The following CEP85L variants were observed in gnomAD, a reference collection of about 807,000 sequenced individuals.
CEP85L encodes the protein centrosomal protein 85L.
In CEP85L, 60 loss-of-function variants were observed where a neutral mutation model predicts 100.3. The ratio of observed to expected loss-of-function variants is 0.60; its 90% CI spans 0.49 to 0.74. The LOEUF (loss-of-function observed/expected upper bound fraction) is 0.74. Ranked by LOEUF, CEP85L falls within the 30% of genes least tolerant of loss-of-function variation. CEP85L has a pLI of 0.00. For synonymous variants in CEP85L, 319 were observed against 322.7 expected (o/e 0.99, Z 0.12); for missense variants, 973 against 936.2 (o/e 1.04, Z -0.51).
chr6:118,525,134 T>G (rs1228224896), intron 3 of CEP85L, among the ~76,000 whole-genome samples: 1 of 152,194 alleles, frequency 6.6e-6, no homozygotes, highest in African/African-American at 2.4e-5. Context: ...ACAACAGTAG[T>G]AAGTATATCC....
chr6:118,498,340 AAAAT>A (rs1275678274), intron 5 of CEP85L, among the ~76,000 whole-genome samples: 3 of 152,092 alleles, frequency 2.0e-5, no homozygotes, highest in Non-Finnish European at 4.4e-5. Context: ...ACAAAAAATA[AAAAT>A]AAATAAATAC....
chr6:118,633,753 T>C (rs1025980749), intron 1 of CEP85L, among the ~76,000 whole-genome samples: 7 of 152,318 alleles, frequency 4.6e-5, no homozygotes, highest in African/African-American at 1.4e-4. Flanking sequence ...GTACTATAAT[T>C]AGAAAGAGAA....
chr6:118,572,000 G>A (rs1004180901), intron 2 of CEP85L, among the ~76,000 whole-genome samples: 1 of 151,898 alleles, frequency 6.6e-6, no homozygotes, highest in African/African-American at 2.4e-5. Flanking sequence ...GGGATTACAG[G>A]CAAGCACCAC....
intron 1 of CEP85L, among the ~76,000 whole-genome samples, chr6:118,633,544 AG>A (rs1340033568): frequency 6.6e-6 from 1 of 152,160 alleles, no homozygotes; most frequent in Admixed American, 6.5e-5. Context: ...AGCTAATTTA[AG>A]GTTTTTCAAT....
intron 2 of CEP85L, among the ~76,000 whole-genome samples, chr6:118,583,881 T>C (rs184363986): frequency 6.6e-6 from 1 of 152,358 alleles, no homozygotes. Flanking sequence ...CCCTAATCCC[T>C]ATACCCTGTT....
chr6:118,685,440 C>A (rs1322020969), intron 1 of CEP85L, among the ~76,000 whole-genome samples: 1 of 152,022 alleles, frequency 6.6e-6, no homozygotes. Context: ...AAAGTATTTA[C>A]GTTGATATAA....
intron 2 of CEP85L, among the ~76,000 whole-genome samples, chr6:118,600,296 T>TGGGGG (rs1554228034): frequency 0.01 from 343 of 34,112 alleles, 74 homozygotes; most frequent in Middle Eastern, 0.044. Context: ...TGAGCCTTCC[T>TGGGGG]GGGGGTGTGT....
At chr6:118,643,894 G>A (rs1583215764) in intron 1 of CEP85L, among the ~76,000 whole-genome samples, 1 of 152,178 alleles carries the variant, frequency 6.6e-6, no homozygotes, top group Non-Finnish European at 1.5e-5. Context: ...CTTGGCCACT[G>A]TTCAGTGTAA....
intron 6 of CEP85L, among the ~76,000 whole-genome samples, chr6:118,484,462 G>A (rs1774028665): frequency 6.6e-6 from 1 of 152,156 alleles, no homozygotes; most frequent in Non-Finnish European, 1.5e-5. Flanking sequence ...AGTTTTTATT[G>A]CCTGCACATG....
intron 5 of CEP85L, among the ~76,000 whole-genome samples, chr6:118,498,145 T>TA (rs998075283): frequency 6.6e-6 from 1 of 152,074 alleles, no homozygotes; most frequent in African/African-American, 2.4e-5. Context: ...CTAAAGAATG[T>TA]AAAAAGAGAA....
chr6:118,619,472 A>C (rs1773296457), intron 2 of CEP85L, among the ~76,000 whole-genome samples: 1 of 152,172 alleles, frequency 6.6e-6, no homozygotes, highest in Non-Finnish European at 1.5e-5. Flanking sequence ...CCAAATGACA[A>C]AAACCCACAA....
At chr6:118,520,882 C>T (rs930977120) in intron 4 of CEP85L, among the ~76,000 whole-genome samples, 4 of 152,220 alleles carry the variant, frequency 2.6e-5, no homozygotes, top group South Asian at 4.2e-4. Context: ...CTGAATTGTT[C>T]CTGAAGTTAA....
At chr6:118,594,302 A>G (rs1489272824) in intron 2 of CEP85L, among the ~76,000 whole-genome samples, 1 of 152,224 alleles carries the variant, frequency 6.6e-6, no homozygotes, top group Non-Finnish European at 1.5e-5. Flanking sequence ...TTTCTGATAT[A>G]TATCCACAGG....
intron 2 of CEP85L, among the ~76,000 whole-genome samples, chr6:118,606,974 G>A (rs768049920): frequency 2.6e-5 from 4 of 151,962 alleles, no homozygotes; most frequent in Admixed American, 6.6e-5. Flanking sequence ...CTCTTTTGCC[G>A]GCATGCCAGG....
intron 1 of CEP85L, among the ~76,000 whole-genome samples, chr6:118,650,479 T>G (rs1775476723): frequency 6.6e-6 from 1 of 152,170 alleles, no homozygotes; most frequent in Non-Finnish European, 1.5e-5. Flanking sequence ...AGCAAACCCC[T>G]AATTTTCCTT....
At chr6:118,587,849 T>C (rs1780958481) in intron 2 of CEP85L, among the ~76,000 whole-genome samples, 1 of 152,236 alleles carries the variant, frequency 6.6e-6, no homozygotes, top group African/African-American at 2.4e-5. Flanking sequence ...AATATGGTTA[T>C]CTTTATCCCA....
At chr6:118,565,384 G>T in intron 3 of CEP85L, 145 bp downstream of exon 3, 1 of 762,346 alleles carries the variant, frequency 1.3e-6, no homozygotes, top group East Asian at 2.6e-5. Context: ...AACACTTTTC[G>T]GTTTGTAACA....
chr6:118,614,849 T>TAGACAGACAGACAGAC lies in CEP85L; in HGVS notation c.232+17588_232+17603dup, dbSNP rs61384909. ...AGAACAAAACTCCATCATTCATTCATAGACAGACAGACAGACAGATAGATA... is the reference window on the plus strand; with the variant it reads ...AGAACAAAACTCCATCATTCATTCATAGACAGACAGACAGACAGACAGACAGACAGACAGATAGATA... On this transcript the variant is annotated intron_variant, in intron 2 of 12. Coordinates refer to ENST00000368491, the MANE Select transcript of CEP85L (RefSeq NM_001042475.3). Among the ~76,000 whole-genome samples the TAGACAGACAGACAGAC allele has an allele frequency of 7.0e-3, 1,029 of 146,674 alleles. 9 individuals carry two copies. Among genetic ancestry groups the TAGACAGACAGACAGAC allele is most frequent in the Middle Eastern group, 0.021 (6 of 292 alleles).
intron 3 of CEP85L, among the ~76,000 whole-genome samples, chr6:118,525,576 G>C (rs1776918178): frequency 6.6e-6 from 1 of 152,154 alleles, no homozygotes; most frequent in Admixed American, 6.5e-5. Context: ...TCAAAGTAGA[G>C]ATTGGAATGA....
Sources: allele counts gnomAD v4.1 joint callset (sites outside exome capture counted in the v4.1 genomes callset), GRCh38; gene constraint gnomAD v4.1.1; transcripts MANE v1.5; gene names NCBI Gene and HGNC (gene_info 2026-07-23, HGNC 2026-07-21).